The following ZDHHC11 variants were observed in gnomAD, a reference collection of about 807,000 sequenced individuals.
ZDHHC11 encodes the protein palmitoyltransferase ZDHHC11.
ZDHHC11 carries 44 observed loss-of-function variants against 51.3 expected under a neutral mutation model. The observed-to-expected ratio is 0.86, with a 90% CI of 0.67 to 1.10. The LOEUF (loss-of-function observed/expected upper bound fraction) is 1.10. ZDHHC11 is among the 50% of genes least tolerant of loss of function. The pLI, the probability that ZDHHC11 is intolerant of heterozygous loss-of-function variation, is 0.00. For missense variants in ZDHHC11, 400 were observed against 537.7 expected, an observed-to-expected ratio of 0.74 and a Z score of 2.53; for synonymous variants, 163 against 222.0, an observed-to-expected ratio of 0.73 and a Z score of 2.36.
rs1746611069 is a variant in ZDHHC11, at chr5:848,526, T to G, written c.357A>C (p.Ala119=). The G allele has an allele frequency of 6.6e-7, 1 of 1,506,438 alleles. No homozygotes were observed. The highest frequency in any genetic ancestry group is 1.5e-5 in the African/African-American group (1 of 68,580). The allele number at this position is 1,506,438 out of a possible 1,614,324, so 93.3% of individuals were successfully genotyped here. ...PMPLFDRSKH[A]HVIQNQFCHL... is the part of the protein sequence containing the mutation. ...GGCAGAACTGATTCTGGATCACGTGTGCATGTTTTGATCTGTCGAAGAGGG... is the reference window on the plus strand; with the variant it reads ...GGCAGAACTGATTCTGGATCACGTGGGCATGTTTTGATCTGTCGAAGAGGG... Residue 119 remains alanine, a synonymous_variant, in exon 2 of 13, where the codon GCA becomes GCC. Coordinates refer to ENST00000283441, the MANE Select transcript of ZDHHC11 (RefSeq NM_024786.3).
chr5:836,350 C>T (rs1422290250), intron 6 of ZDHHC11, among the ~76,000 whole-genome samples: 1 of 150,372 alleles, frequency 6.7e-6, no homozygotes, highest in Non-Finnish European at 1.5e-5. Context: ...CACTGCTTAC[C>T]CCTGGAGTGA....
At chr5:854,532 G>A (rs1348485754), upstream of ZDHHC11, among the ~76,000 whole-genome samples, 1 of 148,180 alleles carries the variant, frequency 6.7e-6, no homozygotes, top group East Asian at 2.1e-4. Flanking sequence ...ATGGAGGACA[G>A]CGAGCCGGGG....
chr5:806,198 G>C (rs1235653982), intron 11 of ZDHHC11, among the ~76,000 whole-genome samples: 3 of 151,156 alleles, frequency 2.0e-5, no homozygotes, highest in African/African-American at 7.3e-5. Flanking sequence ...TGCAGGGATA[G>C]ACAAAACTGA....
At chr5:854,185 G>A (rs1258178995), upstream of ZDHHC11, among the ~76,000 whole-genome samples, 41 of 145,688 alleles carry the variant, frequency 2.8e-4, no homozygotes, top group African/African-American at 5.6e-4. Context: ...ACAGCGAGCC[G>A]GGGGGACAGA....
chr5:802,624 GAATT>G (rs1365109488), intron 11 of ZDHHC11, among the ~76,000 whole-genome samples: 1 of 149,932 alleles, frequency 6.7e-6, no homozygotes, highest in Non-Finnish European at 1.5e-5. Flanking sequence ...CAATTGCAAT[GAATT>G]ATTTGGAAAC....
intron 8 of ZDHHC11, chr5:823,823 G>A: frequency 5.8e-6 from 2 of 343,408 alleles, no homozygotes; most frequent in South Asian, 2.2e-5. Context: ...TGCAGAAGGT[G>A]TCAACGTGGA....
chr5:850,823 A>G lies in ZDHHC11; in HGVS notation c.-221T>C, dbSNP rs1279667130. On this transcript the variant is annotated 5_prime_UTR_variant, in exon 1 of 13. Coordinates refer to ENST00000283441, the MANE Select transcript of ZDHHC11 (RefSeq NM_024786.3). ...CCAGGGGAATGAACAGACATGCTGC[A>G]GAATGTGACCCCGGCCAGAGCCGAG... 3.2e-6 allele frequency: 2 copies of G among 628,050 alleles called. No individual in the cohort carries two copies. The highest frequency in any genetic ancestry group is 5.9e-5 in the Admixed American group (2 of 33,754). The allele number at this position is 628,050 out of a possible 1,614,324, so 38.9% of individuals were successfully genotyped here. A position where few individuals can be genotyped will look rare whatever the true frequency, so the allele number is the denominator to read the frequency against.
At chr5:857,207 G>A (rs1043956712) in intron 1 of ZDHHC11, among the ~76,000 whole-genome samples, 1 of 152,206 alleles carries the variant, frequency 6.6e-6, no homozygotes, top group Non-Finnish European at 1.5e-5. Context: ...TATGACAACC[G>A]GACCGATGCC....
At position 814,953 on chromosome 5, in the gene ZDHHC11, C is replaced by G. The variant is rs141127015; in HGVS notation, c.1147-158G>C. ...TAGGATCTCAGTGGTGACACAGCAC[C>G]CTTCCTCCCAATCCTTGTATTATGG... On this transcript the variant is annotated intron_variant, in intron 10 of 12. Transcript: ENST00000283441. Among the ~76,000 whole-genome samples, 233 of 151,228 alleles carry G rather than the reference C, an allele frequency of 1.5e-3. 6 individuals carry two copies. Among genetic ancestry groups the G allele is most frequent in the East Asian group, 5.0e-3 (26 of 5,162 alleles).
chr5:841,992 C>G lies in ZDHHC11; in HGVS notation c.629-1342G>C, dbSNP rs1057489042. 17 of 988,748 alleles carry G rather than the reference C, an allele frequency of 1.7e-5. No homozygotes were observed. The African/African-American group carries it at 2.6e-4, about 15-fold the overall frequency. The allele number at this position is 988,748 out of a possible 1,614,324, so 61.2% of individuals were successfully genotyped here. On this transcript the variant is annotated intron_variant, in intron 4 of 12. Transcript: ENST00000283441. ...TGCCTGGGCCGGGCTGGACCCCATG[C>G]TGCCCCCCTTAGCCAGTGACATCAC...
chr5:795,751 A>C lies in ZDHHC11; in HGVS notation c.*837T>G, dbSNP rs1239547261. The C allele has an allele frequency of 6.5e-6, 1 of 154,504 alleles. No homozygotes were observed. The highest frequency in any genetic ancestry group is 2.4e-5 in the African/African-American group (1 of 41,314). The allele number at this position is 154,504 out of a possible 1,614,324, so 9.6% of individuals were successfully genotyped here. On this transcript the variant is annotated 3_prime_UTR_variant, in exon 13 of 13. Transcript: ENST00000283441. ...ACTCTTTTTGTCTACTAAGATAAGA[A>C]GTCTGGGCTAGGCTGAAAAACTCAG...
At chr5:813,845 G>T (rs1272025343) in intron 11 of ZDHHC11, among the ~76,000 whole-genome samples, 1 of 143,862 alleles carries the variant, frequency 7.0e-6, no homozygotes, top group African/African-American at 2.8e-5. Context: ...GAAGGAGGCT[G>T]TGTCAGTGTG....
intron 6 of ZDHHC11, among the ~76,000 whole-genome samples, chr5:836,485 G>C (rs1298583621): frequency 1.3e-5 from 2 of 150,224 alleles, no homozygotes; most frequent in African/African-American, 4.9e-5. Flanking sequence ...TTTGGTGTCA[G>C]GTTGATAGTG....
exon 1 of ZDHHC11, among the ~76,000 whole-genome samples, chr5:858,899 C>A (rs1470751251): frequency 6.6e-6 from 1 of 152,068 alleles, no homozygotes; most frequent in East Asian, 1.9e-4. Flanking sequence ...TTCCTTCTCA[C>A]GCCTATCACA....
chr5:854,799 G>T (rs1747903960), upstream of ZDHHC11, among the ~76,000 whole-genome samples: 1 of 147,688 alleles, frequency 6.8e-6, no homozygotes, highest in African/African-American at 2.5e-5. Context: ...AGTGAGGAGC[G>T]GGGACAGACC....
intron 9 of ZDHHC11, among the ~76,000 whole-genome samples, chr5:820,594 C>T (rs563682925): frequency 6.6e-6 from 1 of 151,174 alleles, no homozygotes; most frequent in Non-Finnish European, 1.5e-5. Context: ...AGGGGGGCTG[C>T]ACTCCACTTT....
At chr5:848,760 G>C in intron 1 of ZDHHC11, 100 bp from the exon 2 acceptor site, 1 of 1,513,456 alleles carries the variant, frequency 6.6e-7, no homozygotes, top group Non-Finnish European at 8.9e-7. Context: ...CCGCTGGTCA[G>C]CCCTGCTCAC....
At chr5:840,446 C>A in intron 5 of ZDHHC11, 49 bp downstream of exon 5, 2 of 1,612,248 alleles carry the variant, frequency 1.2e-6, no homozygotes, top group South Asian at 2.2e-5. Flanking sequence ...ATGAGCAGCT[C>A]TGACCACCCA....
chr5:821,464 C>T (rs1344674665), intron 9 of ZDHHC11: 2 of 175,290 alleles, frequency 1.1e-5, no homozygotes, highest in African/African-American at 4.6e-5. Flanking sequence ...GTGAACTACC[C>T]TTCTCTTCTC....
Sources: allele counts gnomAD v4.1 joint callset (sites outside exome capture counted in the v4.1 genomes callset), GRCh38; gene constraint gnomAD v4.1.1; transcripts MANE v1.5; gene names NCBI Gene and HGNC (gene_info 2026-07-23, HGNC 2026-07-21).